ZNF618: variants seen among roughly 807,000 people sequenced by gnomAD.
ZNF618 encodes the protein zinc finger protein 618.
Under a neutral mutation model 103.0 loss-of-function variants are expected in ZNF618, and 34 were observed. The ratio of observed to expected loss-of-function variants is 0.33; its 90% CI spans 0.25 to 0.44. The LOEUF (loss-of-function observed/expected upper bound fraction) is 0.44, where lower values mean the gene tolerates loss of function less well. ZNF618 is among the 20% of genes least tolerant of loss of function. ZNF618 has a pLI of 1.00. For synonymous variants in ZNF618, 551 were observed against 542.2 expected (o/e 1.02, Z -0.23); for missense variants, 1,059 against 1,295.4 (o/e 0.82, Z 2.80).
At chr9:113,914,824 T>G (rs1300089088) in intron 1 of ZNF618, among the ~76,000 whole-genome samples, 1 of 152,160 alleles carries the variant, frequency 6.6e-6, no homozygotes, top group Non-Finnish European at 1.5e-5. Context: ...AATTCTGATG[T>G]CCCACCTGTT....
Position 114,016,591 on chromosome 9 carries a change from TG to T in ZNF618, c.755-102del, listed in dbSNP as rs767759806. On this transcript the variant is annotated intron_variant, in intron 9 of 14. Coordinates refer to ENST00000374126, the MANE Select transcript of ZNF618 (RefSeq NM_001318042.2). Reference sequence around the variant, plus strand: ...CAGAGTCAGAATTGATTCTAGTTGATGGTCCCAGAATGGGGAGGAGTTTTTT... The same window carrying T: ...CAGAGTCAGAATTGATTCTAGTTGATGTCCCAGAATGGGGAGGAGTTTTTT... The T allele has an allele frequency of 2.8e-4, 219 of 775,268 alleles. No homozygotes were observed. The Middle Eastern group carries it at 4.4e-3, about 16-fold the overall frequency. 48.0% of individuals were successfully genotyped at this position (775,268 alleles called of 1,614,324 possible).
chr9:113,881,614 C>T (rs1172209829), intron 1 of ZNF618, among the ~76,000 whole-genome samples: 1 of 152,200 alleles, frequency 6.6e-6, no homozygotes, highest in East Asian at 1.9e-4. Flanking sequence ...TTCACCTGTT[C>T]AGCAGCCACA....
At position 113,938,165 on chromosome 9, in the gene ZNF618, G is replaced by GTTTTTTTT. The variant is rs770850585; in HGVS notation, c.34-30937_34-30930dup. ...GTTTTTAGGAAAGCTTCAGGCTCCTGTTTTTTTTTTTTTTTTTTTTTTGAG... is the reference window on the plus strand; with the variant it reads ...GTTTTTAGGAAAGCTTCAGGCTCCTGTTTTTTTTTTTTTTTTTTTTTTTTTTTTTTGAG... On this transcript the variant is annotated intron_variant, in intron 1 of 14. Transcript: ENST00000374126. Among the ~76,000 whole-genome samples, 10 of 95,514 alleles carry GTTTTTTTT rather than the reference G, an allele frequency of 1.0e-4. 1 individual carries two copies. The highest frequency in any genetic ancestry group is 1.6e-4 in the African/African-American group (4 of 24,980). 62.7% of individuals were successfully genotyped at this position (95,514 alleles called of 152,430 possible). A position where few individuals can be genotyped will look rare whatever the true frequency, so the allele number is the denominator to read the frequency against.
Position 114,008,523 on chromosome 9 carries a change from G to C in ZNF618, c.723G>C (p.Glu241Asp). 6.2e-7 allele frequency: 1 copy of C among 1,613,960 alleles called. No homozygotes were observed. Among genetic ancestry groups the C allele is most frequent in the Non-Finnish European group, 8.5e-7 (1 of 1,179,866 alleles). Residue 241 changes from glutamate (E) to aspartate (D), a missense_variant, in exon 9 of 15, where the codon GAG (glutamate) becomes GAC (aspartate). Glu to Asp is a conservative substitution (Grantham distance 45). Around this residue, in one of 6 missense-constraint regions of ZNF618, gnomAD observed 434 missense variants for 476.0 expected, o/e 0.91. Coordinates refer to ENST00000374126, the MANE Select transcript of ZNF618 (RefSeq NM_001318042.2). Reference sequence around the variant, plus strand: ...TGGCCACGGACGAGGTGAAGGAGGAGCCCCCGGAGCCATTCCAGAAAATCG... The same window carrying C: ...TGGCCACGGACGAGGTGAAGGAGGACCCCCCGGAGCCATTCCAGAAAATCG... ...GVVATDEVKE[E>D]PPEPFQKIGP...
Position 114,050,157 on chromosome 9 carries a change from A to G in ZNF618, c.2855A>G (p.Asn952Ser). 2 of 1,556,576 alleles carry G rather than the reference A, an allele frequency of 1.3e-6. No individual in the cohort carries two copies. Among genetic ancestry groups the G allele is most frequent in the Non-Finnish European group, 1.7e-6 (2 of 1,154,324 alleles). ...DMNKLMFLKS[N>S]ML ...AATAAACTCATGTTTCTGAAATCCAACATGCTTTAAGACTTGACTTCGGGG... is the reference window on the plus strand; with the variant it reads ...AATAAACTCATGTTTCTGAAATCCAGCATGCTTTAAGACTTGACTTCGGGG... The change falls in exon 15 of 15, where the codon AAC becomes AGC. Residue 952 changes from asparagine to serine, a missense_variant. Transcript: ENST00000374126.
chr9:113,952,042 A>G (rs1835827252), intron 1 of ZNF618, among the ~76,000 whole-genome samples: 1 of 152,076 alleles, frequency 6.6e-6, no homozygotes, highest in Admixed American at 6.5e-5. Context: ...GCCATCAGTT[A>G]TGTGGACGGG....
At chr9:113,942,219 C>G (rs1002288174) in intron 1 of ZNF618, among the ~76,000 whole-genome samples, 1 of 151,724 alleles carries the variant, frequency 6.6e-6, no homozygotes, top group Middle Eastern at 3.4e-3. Context: ...AATGATGGAG[C>G]TTGATAGGTT....
chr9:113,988,724 C>T (rs1839732081), intron 3 of ZNF618, 144 bp downstream of exon 3: 13 of 1,276,696 alleles, frequency 1.0e-5, no homozygotes, highest in Non-Finnish European at 1.3e-5. Context: ...AGGGAGAGAT[C>T]TCAGCTTCTT....
At chr9:113,982,090 G>T (rs867311178) in intron 2 of ZNF618, among the ~76,000 whole-genome samples, 2 of 152,354 alleles carry the variant, frequency 1.3e-5, no homozygotes, top group Non-Finnish European at 2.9e-5. Flanking sequence ...ACAGTAGCAG[G>T]ATTGAGCAGG....
intron 1 of ZNF618, among the ~76,000 whole-genome samples, chr9:113,948,653 G>A (rs1286588320): frequency 3.3e-5 from 5 of 152,188 alleles, no homozygotes; most frequent in South Asian, 2.1e-4. Flanking sequence ...TGTGCCACTC[G>A]TCCATCCACA....
intron 1 of ZNF618, among the ~76,000 whole-genome samples, chr9:113,876,822 A>G (rs1481031103): frequency 8.9e-6 from 1 of 112,080 alleles, no homozygotes; most frequent in Non-Finnish European, 1.7e-5. Context: ...GGGGTCCCCG[A>G]TGACCCCCCG....
At chr9:114,048,165 G>C (rs376475357) in intron 14 of ZNF618, among the ~76,000 whole-genome samples, 171 bp downstream of exon 14, 1 of 152,192 alleles carries the variant, frequency 6.6e-6, no homozygotes, top group African/African-American at 2.4e-5. Context: ...CTTAACTCAG[G>C]GGATGGGCAG....
At chr9:114,022,213 A>G (rs540047414) in intron 10 of ZNF618, among the ~76,000 whole-genome samples, 116 of 152,102 alleles carry the variant, frequency 7.6e-4, no homozygotes, top group Non-Finnish European at 1.4e-3. Flanking sequence ...CATTCCAACC[A>G]GCAGTACAAT....
At chr9:113,931,983 TG>T (rs1438461668) in intron 1 of ZNF618, among the ~76,000 whole-genome samples, 1 of 152,196 alleles carries the variant, frequency 6.6e-6, no homozygotes, top group African/African-American at 2.4e-5. Flanking sequence ...TTATTCAACA[TG>T]TATTTATAGA....
rs1037620575 is a variant in ZNF618 at position 114,017,392 on chromosome 9, T to G, written c.844+608T>G. Among the ~76,000 whole-genome samples, 3 of 152,092 alleles carry G rather than the reference T, an allele frequency of 2.0e-5. No homozygotes were observed. The South Asian group carries it at 6.2e-4, about 32-fold the overall frequency. On this transcript the variant is annotated intron_variant, in intron 10 of 14. Coordinates refer to ENST00000374126, the MANE Select transcript of ZNF618 (RefSeq NM_001318042.2). ...CACTCTGACTGGGAAAGGAAGGGGC[T>G]CTAAGGGCCCTTCCCACAGTGACAT...
chr9:113,939,408 A>G (rs952168017), intron 1 of ZNF618, among the ~76,000 whole-genome samples: 1 of 152,106 alleles, frequency 6.6e-6, no homozygotes. Flanking sequence ...TAACATTTAT[A>G]TAGGAATTTT....
chr9:114,056,399 G>T lies in ZNF618; in HGVS notation c.*6232G>T, dbSNP rs560141837. On this transcript the variant is annotated 3_prime_UTR_variant, in exon 15 of 15. Transcript: ENST00000374126. ...CAGGGAGAAGAGGAAGGTTCCACTC[G>T]GTTCTTTAAGTCGCCAAAAGCCCCA... 6.6e-6 allele frequency: 1 copy of T among 152,282 alleles called. No individual in the cohort carries two copies. Among genetic ancestry groups the T allele is most frequent in the African/African-American group, 2.4e-5 (1 of 41,550 alleles). The allele number at this position is 152,282 out of a possible 1,614,324, so 9.4% of individuals were successfully genotyped here.
chr9:113,924,321 A>G (rs1832885519), intron 1 of ZNF618, among the ~76,000 whole-genome samples: 1 of 151,766 alleles, frequency 6.6e-6, no homozygotes, highest in African/African-American at 2.4e-5. Flanking sequence ...TGTATATAAC[A>G]TTCCTTTGAT....
intron 10 of ZNF618, among the ~76,000 whole-genome samples, chr9:114,019,779 C>A (rs549158695): frequency 6.6e-5 from 10 of 152,248 alleles, no homozygotes; most frequent in African/African-American, 2.4e-4. Flanking sequence ...GTGGATTTTT[C>A]TCCTAGTCTC....
Sources: allele counts gnomAD v4.1 joint callset (sites outside exome capture counted in the v4.1 genomes callset), GRCh38; gene constraint gnomAD v4.1.1; regional missense constraint gnomAD v4.1.1; transcripts MANE v1.5; gene names NCBI Gene and HGNC (gene_info 2026-07-23, HGNC 2026-07-21).